The following ZCCHC7 variants were observed in gnomAD, a reference collection of about 807,000 sequenced individuals.
ZCCHC7 encodes zinc finger CCHC-type containing 7, also known as zinc finger CCHC domain-containing protein 7.
Under a neutral mutation model 52.0 loss-of-function variants are expected in ZCCHC7, and 35 were observed. The observed-to-expected ratio is 0.67, with a 90% CI of 0.51 to 0.89. The LOEUF (loss-of-function observed/expected upper bound fraction) is 0.89, where lower values mean the gene tolerates loss of function less well. Among genes scored for constraint, ZCCHC7 ranks in the 40% least tolerant of loss-of-function variants. The pLI is 0.00. For synonymous variants in ZCCHC7, 217 were observed against 221.5 expected, an observed-to-expected ratio of 0.98 and a Z score of 0.18; for missense variants, 574 against 649.1, an observed-to-expected ratio of 0.88 and a Z score of 1.26.
chr9:37,298,876 G>A (rs557713182), intron 2 of ZCCHC7, among the ~76,000 whole-genome samples: 2 of 152,212 alleles, frequency 1.3e-5, no homozygotes, highest in South Asian at 4.1e-4. Context: ...CATAGCATTT[G>A]TTTGGCCTTC....
chr9:37,356,849 G>A lies in ZCCHC7; in HGVS notation c.1213G>A (p.Gly405Arg), dbSNP rs1821730903. ...ATATTTTTCAGTACTCAAGAAAAAT[G>A]GGGTTATCCCAGAGCCATCCAAGCT... is the stretch of plus-strand genomic sequence containing the variant. ...KQKIKVLKKN[G>R]VIPEPSKLPY... is the part of the protein sequence containing the mutation. Residue 405 changes from glycine (G) to arginine (R), a missense_variant, in exon 9 of 9, where the codon GGG (glycine) becomes AGG (arginine). This residue lies in a region of ZCCHC7 where 168 missense variants were observed against 171.6 expected (regional missense o/e 0.98). Coordinates refer to ENST00000336755, the MANE Select transcript of ZCCHC7 (RefSeq NM_032226.3). 6.3e-7 allele frequency: 1 copy of A among 1,580,414 alleles called. No homozygotes were observed. Among genetic ancestry groups the A allele is most frequent in the African/African-American group, 1.4e-5 (1 of 72,590 alleles).
chr9:37,336,412 A>G (rs563961317), intron 6 of ZCCHC7, among the ~76,000 whole-genome samples: 1 of 152,204 alleles, frequency 6.6e-6, no homozygotes, highest in African/African-American at 2.4e-5. Context: ...CCCCCTTCTA[A>G]CAGGTCCTTG....
chr9:37,300,150 T>C (rs1828963059), intron 2 of ZCCHC7, among the ~76,000 whole-genome samples: 1 of 152,218 alleles, frequency 6.6e-6, no homozygotes, highest in African/African-American at 2.4e-5. Context: ...ATAGAGTCGA[T>C]CTCCCTCCTT....
At position 37,182,077 on chromosome 9, in the gene ZCCHC7, C is replaced by G. The variant is rs137898643; in HGVS notation, c.610+55135C>G. On this transcript the variant is annotated intron_variant, in intron 2 of 8. Coordinates refer to ENST00000336755, the MANE Select transcript of ZCCHC7 (RefSeq NM_032226.3). Reference sequence around the variant, plus strand: ...TTGTTGGTTTATAGAGATATTATTACTAGATGAGCTAGTCATTGCTAATTC... The same window carrying G: ...TTGTTGGTTTATAGAGATATTATTAGTAGATGAGCTAGTCATTGCTAATTC... Among the ~76,000 whole-genome samples the G allele has an allele frequency of 1.0e-3, 157 of 152,228 alleles. 2 individuals carry two copies. The East Asian group carries it at 0.025, about 24-fold the overall frequency.
intron 2 of ZCCHC7, among the ~76,000 whole-genome samples, chr9:37,159,267 A>G (rs1278766812): frequency 6.6e-6 from 1 of 152,216 alleles, no homozygotes; most frequent in African/African-American, 2.4e-5. Flanking sequence ...ACTGGCTGTG[A>G]CAACATTTTA....
chr9:37,292,268 T>C (rs1828575319), intron 2 of ZCCHC7, among the ~76,000 whole-genome samples: 1 of 152,196 alleles, frequency 6.6e-6, no homozygotes, highest in Non-Finnish European at 1.5e-5. Context: ...AGATAGTGAA[T>C]GGTGAAAACT....
intron 2 of ZCCHC7, among the ~76,000 whole-genome samples, chr9:37,130,976 C>T (rs533381896): frequency 2.6e-5 from 4 of 152,172 alleles, no homozygotes; most frequent in Admixed American, 2.0e-4. Context: ...AATTTGAGTA[C>T]AGCACTACCT....
At chr9:37,282,918 A>G (rs1588608771) in intron 2 of ZCCHC7, among the ~76,000 whole-genome samples, 1 of 106,912 alleles carries the variant, frequency 9.4e-6, no homozygotes, top group African/African-American at 3.7e-5. Flanking sequence ...TTTGTTCCAG[A>G]GGCAAGAGTA....
At chr9:37,262,805 C>T (rs756131297) in intron 2 of ZCCHC7, among the ~76,000 whole-genome samples, 12 of 152,120 alleles carry the variant, frequency 7.9e-5, no homozygotes, top group Non-Finnish European at 1.5e-4. Flanking sequence ...TTTTCTCCCA[C>T]GTTCTTGTAG....
chr9:37,211,089 G>A (rs1824190239), intron 2 of ZCCHC7, among the ~76,000 whole-genome samples: 1 of 152,192 alleles, frequency 6.6e-6, no homozygotes, highest in African/African-American at 2.4e-5. Flanking sequence ...CAGTGTGACA[G>A]TTTTAAACAT....
At chr9:37,235,109 C>G (rs1314193204) in intron 2 of ZCCHC7, among the ~76,000 whole-genome samples, 1 of 151,876 alleles carries the variant, frequency 6.6e-6, no homozygotes, top group African/African-American at 2.4e-5. Flanking sequence ...ATGTTACATT[C>G]AAAATCCTCT....
At chr9:37,196,541 T>TA (rs1823297688) in intron 2 of ZCCHC7, among the ~76,000 whole-genome samples, 1 of 152,214 alleles carries the variant, frequency 6.6e-6, no homozygotes, top group Non-Finnish European at 1.5e-5. Flanking sequence ...TAGTAGAACC[T>TA]ATTCTTTATA....
chr9:37,197,454 T>C (rs191087925), intron 2 of ZCCHC7, among the ~76,000 whole-genome samples: 1 of 152,372 alleles, frequency 6.6e-6, no homozygotes, highest in Non-Finnish European at 1.5e-5. Flanking sequence ...ATGTTGTTAT[T>C]TAAAGCACTT....
At chr9:37,212,303 C>T (rs979144876) in intron 2 of ZCCHC7, among the ~76,000 whole-genome samples, 6 of 151,806 alleles carry the variant, frequency 4.0e-5, no homozygotes, top group Admixed American at 6.6e-5. Context: ...CAATCTTCTA[C>T]CATACCTAAA....
At chr9:37,297,623 A>G (rs1360253889) in intron 2 of ZCCHC7, among the ~76,000 whole-genome samples, 1 of 152,230 alleles carries the variant, frequency 6.6e-6, no homozygotes, top group Non-Finnish European at 1.5e-5. Context: ...TGGCTTCCTT[A>G]TAAGAAGGAG....
At chr9:37,224,971 G>A (rs1469596244) in intron 2 of ZCCHC7, among the ~76,000 whole-genome samples, 1 of 152,162 alleles carries the variant, frequency 6.6e-6, no homozygotes, top group Non-Finnish European at 1.5e-5. Context: ...CCATGTTTTG[G>A]CAGTAAAGCT....
intron 2 of ZCCHC7, among the ~76,000 whole-genome samples, chr9:37,175,011 C>A (rs191414703): frequency 6.4e-4 from 97 of 152,102 alleles, no homozygotes; most frequent in African/African-American, 1.8e-3. Context: ...GTGGTACATG[C>A]CCGTGATTCC....
At chr9:37,298,104 A>G (rs978702300) in intron 2 of ZCCHC7, among the ~76,000 whole-genome samples, 9 of 152,234 alleles carry the variant, frequency 5.9e-5, no homozygotes, top group African/African-American at 2.2e-4. Flanking sequence ...CATAATGGAC[A>G]GGGTTGCTTT....
At chr9:37,346,725 C>T (rs192769890) in intron 6 of ZCCHC7, among the ~76,000 whole-genome samples, 24 of 152,288 alleles carry the variant, frequency 1.6e-4, no homozygotes, top group African/African-American at 5.5e-4. Context: ...CCTGCAGTCT[C>T]AGCACTTTAG....
Sources: allele counts gnomAD v4.1 joint callset (sites outside exome capture counted in the v4.1 genomes callset), GRCh38; gene constraint gnomAD v4.1.1; regional missense constraint gnomAD v4.1.1; transcripts MANE v1.5; gene names NCBI Gene and HGNC (gene_info 2026-07-23, HGNC 2026-07-21).